SVOP: variants seen among roughly 807,000 people sequenced by gnomAD.
SVOP encodes synaptic vesicle 2-related protein.
SVOP carries 17 observed loss-of-function variants against 69.1 expected under a neutral mutation model. The ratio of observed to expected loss-of-function variants is 0.25; its 90% CI spans 0.17 to 0.37. SVOP has a LOEUF of 0.37. Ranked by LOEUF, SVOP falls within the 10% of genes least tolerant of loss-of-function variation. SVOP has a pLI of 1.00. For missense variants in SVOP, 435 were observed against 597.5 expected (o/e 0.73, Z 2.84); for synonymous variants, 238 against 238.6 (o/e 1.00, Z 0.02).
intron 1 of SVOP, among the ~76,000 whole-genome samples, chr12:109,009,187 C>T (rs2040327552): frequency 6.6e-6 from 1 of 151,808 alleles, no homozygotes; most frequent in South Asian, 2.1e-4. Context: ...GTCTCGAACT[C>T]CTGACCTCAG....
chr12:108,960,460 C>G (rs1382613813), intron 6 of SVOP, among the ~76,000 whole-genome samples: 1 of 152,140 alleles, frequency 6.6e-6, no homozygotes, highest in Non-Finnish European at 1.5e-5. Context: ...TAGCATCATA[C>G]TCTGCCTTGC....
chr12:108,966,803 T>C (rs2040048309), intron 5 of SVOP, among the ~76,000 whole-genome samples: 1 of 152,186 alleles, frequency 6.6e-6, no homozygotes, highest in Non-Finnish European at 1.5e-5. Flanking sequence ...GTTCAACTAA[T>C]CAACTAAATT....
chr12:108,919,993 C>G (rs1177947337), intron 12 of SVOP, among the ~76,000 whole-genome samples: 2 of 152,208 alleles, frequency 1.3e-5, no homozygotes, highest in Non-Finnish European at 2.9e-5. Flanking sequence ...TTGGTGTTCT[C>G]TTTCCCTGGC....
intron 1 of SVOP, 81 bp downstream of exon 1, chr12:109,020,753 T>TGGGGGGGGG: frequency 3.1e-6 from 1 of 317,722 alleles, no homozygotes. Flanking sequence ...TGCAGAGATG[T>TGGGGGGGGG]ACCCCCCCCC....
chr12:108,977,376 AG>A, intron 4 of SVOP, 21 bp downstream of exon 4: 1 of 1,536,578 alleles, frequency 6.5e-7, no homozygotes, highest in Non-Finnish European at 8.7e-7. Context: ...ATGCAACAGA[AG>A]GGAGCTGCTG....
chr12:108,930,723 T>C (rs1218522930), intron 11 of SVOP, among the ~76,000 whole-genome samples: 2 of 152,166 alleles, frequency 1.3e-5, no homozygotes, highest in Non-Finnish European at 2.9e-5. Flanking sequence ...CATGAGCCAC[T>C]ACGCCTGGTG....
chr12:108,936,023 T>TACACACACACACACACACACACACACAC (rs144380662), intron 10 of SVOP, among the ~76,000 whole-genome samples: 1 of 144,542 alleles, frequency 6.9e-6, no homozygotes, highest in African/African-American at 2.6e-5. Context: ...ATAGTATAAA[T>TACACACACACACACACACACACACACAC]ACACACACAC....
intron 11 of SVOP, among the ~76,000 whole-genome samples, chr12:108,930,393 T>C (rs2039809371): frequency 6.7e-6 from 1 of 150,188 alleles, no homozygotes; most frequent in Non-Finnish European, 1.5e-5. Context: ...TGGTTACAGC[T>C]CAGTGTTTGC....
intron 7 of SVOP, among the ~76,000 whole-genome samples, chr12:108,942,884 C>A (rs981362057): frequency 2.0e-5 from 3 of 152,168 alleles, no homozygotes; most frequent in African/African-American, 7.2e-5. Flanking sequence ...CGTGCCTCAG[C>A]CTCCTGAGTA....
intron 10 of SVOP, chr12:108,936,928 G>A (rs372994111): frequency 5.1e-5 from 15 of 291,808 alleles, no homozygotes; most frequent in African/African-American, 8.7e-5. Flanking sequence ...CTGGTTCAGC[G>A]GCTTACAACT....
chr12:108,922,755 G>A lies in SVOP; in HGVS notation c.1091C>T (p.Ala364Val). Residue 364 changes from alanine to valine, a missense_variant, in exon 12 of 16, where the codon GCC becomes GTC. Physicochemically the swap from Ala to Val is moderately conservative, Grantham distance 64 (BLOSUM62 0). Transcript: ENST00000610966. ...KKAVEAKCSLACEYLSEEDYM... is the reference protein window; with the variant it reads ...KKAVEAKCSLVCEYLSEEDYM... ...ATCCTCCTCACTCAGGTACTCGCAG[G>A]CCAGGCTGCATTTTGCCTCTACAGC... is the stretch of plus-strand genomic sequence containing the variant. The A allele has an allele frequency of 6.2e-7, 1 of 1,611,512 alleles. No individual in the cohort carries two copies. Among genetic ancestry groups the A allele is most frequent in the Non-Finnish European group, 8.5e-7 (1 of 1,179,124 alleles).
Position 108,922,693 on chromosome 12 carries a change from G to A in SVOP, c.1153C>T (p.Pro385Ser), listed in dbSNP as rs764889789. 8.1e-6 allele frequency: 13 copies of A among 1,605,872 alleles called. No homozygotes were observed. The African/African-American group carries it at 1.7e-4, about 21-fold the overall frequency. Reference sequence around the variant, plus strand: ...TCACCTTGCACAGGTCCCTCACCTGGAAACTCAGAGAGGGTGGTCCACAGC... The same window carrying A: ...TCACCTTGCACAGGTCCCTCACCTGAAAACTCAGAGAGGGTGGTCCACAGC... ...DLLWTTLSEFPGVLVTLWIID... is the reference protein window; with the variant it reads ...DLLWTTLSEFSGVLVTLWIID... The change falls in exon 12 of 16, where the codon CCA becomes TCA. Residue 385 changes from proline to serine, a missense_variant. Coordinates refer to ENST00000610966, the MANE Select transcript of SVOP (RefSeq NM_018711.5).
At chr12:108,923,373 C>A (rs182170126) in intron 11 of SVOP, among the ~76,000 whole-genome samples, 141 of 152,234 alleles carry the variant, frequency 9.3e-4, no homozygotes, top group African/African-American at 3.2e-3. Context: ...TGGAGGGGAG[C>A]CTCTAGTTGC....
At chr12:108,979,531 C>T (rs1184113894) in intron 2 of SVOP, among the ~76,000 whole-genome samples, 1 of 152,168 alleles carries the variant, frequency 6.6e-6, no homozygotes, top group Non-Finnish European at 1.5e-5. Flanking sequence ...TGTGAGCCAC[C>T]ATGCCCGGCC....
At chr12:108,924,750 A>T (rs1224634787) in intron 11 of SVOP, among the ~76,000 whole-genome samples, 5 of 152,364 alleles carry the variant, frequency 3.3e-5, no homozygotes, top group African/African-American at 1.2e-4. Flanking sequence ...AGAAGGTTAG[A>T]GCCACAGGAT....
chr12:108,978,015 A>G (rs2040116439), intron 3 of SVOP, among the ~76,000 whole-genome samples: 1 of 152,172 alleles, frequency 6.6e-6, no homozygotes, highest in South Asian at 2.1e-4. Flanking sequence ...CAGACATGGA[A>G]TCTAGAAGCA....
chr12:108,986,439 C>G (rs2040166205), intron 1 of SVOP, among the ~76,000 whole-genome samples: 1 of 152,178 alleles, frequency 6.6e-6, no homozygotes, highest in African/African-American at 2.4e-5. Context: ...TGAGATATTT[C>G]AAGCATATAA....
chr12:108,960,929 G>A lies in SVOP; in HGVS notation c.572C>T (p.Pro191Leu). The change falls in exon 6 of 16, where the codon CCC becomes CTC. Residue 191 changes from proline to leucine, a missense_variant. Coordinates refer to ENST00000610966, the MANE Select transcript of SVOP (RefSeq NM_018711.5). ...GLVGFGIGGV[P>L]QSVTLYAEFL... is the part of the protein sequence containing the mutation. ...GCACTGGGTATTTACTTACGACTGG[G>A]GAACTCCTCCGATCCCGAAGCCCAC... 6.5e-7 allele frequency: 1 copy of A among 1,536,986 alleles called. No homozygotes were observed. Among genetic ancestry groups the A allele is most frequent in the Non-Finnish European group, 8.7e-7 (1 of 1,146,806 alleles).
chr12:109,011,439 T>A (rs555595856), intron 1 of SVOP, among the ~76,000 whole-genome samples: 42 of 152,250 alleles, frequency 2.8e-4, no homozygotes, highest in African/African-American at 8.9e-4. Flanking sequence ...TGATGCCCTA[T>A]CTCTCTTCCT....
Sources: allele counts gnomAD v4.1 joint callset (sites outside exome capture counted in the v4.1 genomes callset), GRCh38; gene constraint gnomAD v4.1.1; transcripts MANE v1.5; gene names NCBI Gene and HGNC (gene_info 2026-07-23, HGNC 2026-07-21).